The following MAP2K6 variants were observed in gnomAD, a reference collection of about 807,000 sequenced individuals.
The protein encoded by MAP2K6 is mitogen-activated protein kinase kinase 6.
Under a neutral mutation model 53.7 loss-of-function variants are expected in MAP2K6, and 16 were observed. That is an observed-to-expected ratio of 0.30 (90% CI 0.20 to 0.45). The LOEUF (loss-of-function observed/expected upper bound fraction) is 0.45, where lower values mean the gene tolerates loss of function less well. MAP2K6 is among the 20% of genes least tolerant of loss of function. MAP2K6 has a pLI of 1.00. For synonymous variants in MAP2K6, 132 were observed against 143.1 expected, an observed-to-expected ratio of 0.92 and a Z score of 0.55; for missense variants, 204 against 411.9, an observed-to-expected ratio of 0.50 and a Z score of 4.37.
intron 10 of MAP2K6, among the ~76,000 whole-genome samples, chr17:69,532,953 C>T (rs1192605679): frequency 6.6e-6 from 1 of 151,702 alleles, no homozygotes; most frequent in Admixed American, 6.6e-5. Flanking sequence ...TTTTTTGATA[C>T]AGTCTCACCC....
intron 2 of MAP2K6, 147 bp from the exon 3 acceptor site, chr17:69,516,708 C>T (rs983636859): frequency 7.1e-6 from 4 of 564,178 alleles, no homozygotes; most frequent in African/African-American, 5.7e-5. Flanking sequence ...CAAATCCCCT[C>T]TTATTCACAC....
chr17:69,457,501 G>A (rs1380595279), intron 1 of MAP2K6, among the ~76,000 whole-genome samples: 1 of 152,146 alleles, frequency 6.6e-6, no homozygotes, highest in African/African-American at 2.4e-5. Context: ...ATGGTCCCTG[G>A]ACTTGCAGAC....
intron 1 of MAP2K6, among the ~76,000 whole-genome samples, chr17:69,442,105 T>A (rs959907929): frequency 1.3e-5 from 2 of 152,214 alleles, no homozygotes; most frequent in African/African-American, 4.8e-5. Flanking sequence ...TTTCTTTGAT[T>A]TGTGCTATCT....
At chr17:69,436,707 T>TATA (rs1295660324) in intron 1 of MAP2K6, among the ~76,000 whole-genome samples, 1 of 152,236 alleles carries the variant, frequency 6.6e-6, no homozygotes, top group African/African-American at 2.4e-5. Context: ...ATGTGTCCTC[T>TATA]ATATAGTTGA....
At chr17:69,465,857 G>C (rs527642592) in intron 1 of MAP2K6, among the ~76,000 whole-genome samples, 1 of 151,528 alleles carries the variant, frequency 6.6e-6, no homozygotes, top group African/African-American at 2.4e-5. Context: ...GACCTCAGGT[G>C]ATCTGCCCGC....
chr17:69,502,593 G>T, intron 1 of MAP2K6: 1 of 985,314 alleles, frequency 1.0e-6, no homozygotes, highest in South Asian at 4.7e-5. Flanking sequence ...TTAGGTTTAA[G>T]ATATGCAGAT....
At chr17:69,449,529 T>TTCTCTTTCTTTCTTTC (rs1368624796) in intron 1 of MAP2K6, among the ~76,000 whole-genome samples, 1 of 101,320 alleles carries the variant, frequency 9.9e-6, no homozygotes, top group Non-Finnish European at 2.1e-5. Context: ...CTTTCTTTCT[T>TTCTCTTTCTTTCTTTC]TGTCTTTCTT....
intron 1 of MAP2K6, among the ~76,000 whole-genome samples, chr17:69,499,473 A>G (rs994251622): frequency 1.3e-5 from 2 of 152,222 alleles, no homozygotes; most frequent in African/African-American, 4.8e-5. Context: ...AACTTTCTCA[A>G]CATTACGTCA....
At chr17:69,473,141 TATTAATTAGCCTGTGGTAAA>T (rs1158954942) in intron 1 of MAP2K6, among the ~76,000 whole-genome samples, 3 of 152,264 alleles carry the variant, frequency 2.0e-5, no homozygotes, top group African/African-American at 7.2e-5. Context: ...TTCTTGTTTA[TATTAATTAGCCTGTGGTAAA>T]ATTGATTTCA....
At chr17:69,427,185 CT>C (rs1025394880) in intron 1 of MAP2K6, among the ~76,000 whole-genome samples, 10 of 152,134 alleles carry the variant, frequency 6.6e-5, no homozygotes, top group African/African-American at 2.4e-4. Context: ...TTTTCCATTT[CT>C]TTTTGTTTTT....
At chr17:69,421,811 G>A (rs1232974870) in intron 1 of MAP2K6, among the ~76,000 whole-genome samples, 2 of 151,996 alleles carry the variant, frequency 1.3e-5, no homozygotes, top group East Asian at 3.9e-4. Flanking sequence ...CCAAAGTGCT[G>A]GGATTACAGG....
chr17:69,427,877 A>G (rs968011084), intron 1 of MAP2K6, among the ~76,000 whole-genome samples: 1 of 152,224 alleles, frequency 6.6e-6, no homozygotes, highest in East Asian at 1.9e-4. Context: ...TGGTTTAAGA[A>G]TGGGATTGAG....
intron 1 of MAP2K6, chr17:69,434,587 A>G (rs967495158): frequency 6.6e-5 from 10 of 152,200 alleles, no homozygotes; most frequent in African/African-American, 2.4e-4. Flanking sequence ...GAGTCTTACA[A>G]AAGTGCAGGA....
chr17:69,498,997 G>C (rs1350534849), intron 1 of MAP2K6, among the ~76,000 whole-genome samples: 1 of 152,120 alleles, frequency 6.6e-6, no homozygotes, highest in Non-Finnish European at 1.5e-5. Flanking sequence ...ACCGTGTTAA[G>C]AGTGACTGAG....
chr17:69,526,325 G>T (rs1051792111), intron 9 of MAP2K6, among the ~76,000 whole-genome samples: 1 of 152,148 alleles, frequency 6.6e-6, no homozygotes, highest in African/African-American at 2.4e-5. Context: ...TTTAGTGAGG[G>T]TCCCCATTTT....
intron 1 of MAP2K6, among the ~76,000 whole-genome samples, chr17:69,456,898 C>T (rs1027539301): frequency 4.6e-5 from 7 of 152,294 alleles, no homozygotes; most frequent in South Asian, 2.1e-4. Flanking sequence ...AAAGTTGTCC[C>T]TGCTGCTTCC....
intron 1 of MAP2K6, chr17:69,434,055 A>G (rs1317780609): frequency 1.3e-5 from 2 of 152,200 alleles, no homozygotes; most frequent in African/African-American, 4.8e-5. Context: ...TATGTCCCTT[A>G]GCAACAGGTT....
intron 1 of MAP2K6, among the ~76,000 whole-genome samples, chr17:69,467,893 G>C (rs1907865964): frequency 6.6e-6 from 1 of 152,006 alleles, no homozygotes; most frequent in Non-Finnish European, 1.5e-5. Context: ...AGCCTCCCAA[G>C]TAGCTGGGAT....
intron 1 of MAP2K6, among the ~76,000 whole-genome samples, chr17:69,498,462 T>C (rs542150256): frequency 6.6e-6 from 1 of 152,278 alleles, no homozygotes; most frequent in East Asian, 1.9e-4. Context: ...CTGAGAGACC[T>C]GGACAAAAGG....
Sources: gnomAD v4.1 joint callset for allele counts (sites outside exome capture counted in the v4.1 genomes callset) on GRCh38, gnomAD v4.1.1 for gene constraint, MANE v1.5 for transcripts, NCBI Gene and HGNC (gene_info 2026-07-23, HGNC 2026-07-21) for gene names.